The following AOX1 variants were observed in gnomAD, a reference collection of about 807,000 sequenced individuals.
AOX1 encodes the protein aldehyde oxidase.
AOX1 carries 153 observed loss-of-function variants against 169.5 expected under a neutral mutation model. That is an observed-to-expected ratio of 0.90 (90% CI 0.79 to 1.03). The LOEUF (loss-of-function observed/expected upper bound fraction) is 1.03, where lower values mean the gene tolerates loss of function less well. Ranked by LOEUF, AOX1 falls within the 50% of genes least tolerant of loss-of-function variation. The pLI is 0.00. For missense variants in AOX1, 1,656 were observed against 1,663.9 expected, an observed-to-expected ratio of 1.00 and a Z score of 0.08; for synonymous variants, 562 against 581.9, an observed-to-expected ratio of 0.97 and a Z score of 0.49.
At chr2:200,667,707 G>A (rs2035947866) in intron 32 of AOX1, among the ~76,000 whole-genome samples, 1 of 152,060 alleles carries the variant, frequency 6.6e-6, no homozygotes, top group Admixed American at 6.6e-5. Flanking sequence ...GGGAGGGGTG[G>A]GCCATGAGGA....
At chr2:200,610,150 C>T (rs1166304402) in intron 12 of AOX1, among the ~76,000 whole-genome samples, 3 of 151,730 alleles carry the variant, frequency 2.0e-5, no homozygotes, top group Admixed American at 1.3e-4. Flanking sequence ...CAGCTCACTG[C>T]AACCTCTACC....
At chr2:200,611,069 G>A (rs969584440) in intron 12 of AOX1, among the ~76,000 whole-genome samples, 4 of 152,022 alleles carry the variant, frequency 2.6e-5, no homozygotes, top group South Asian at 2.1e-4. Flanking sequence ...TGGCCAGGCC[G>A]GTCTCAAACT....
chr2:200,595,514 G>A (rs2034264747), intron 3 of AOX1, 146 bp downstream of exon 3: 2 of 492,008 alleles, frequency 4.1e-6, no homozygotes, highest in Non-Finnish European at 7.2e-6. Flanking sequence ...GACAGACATG[G>A]TCCTAGGAAT....
downstream of AOX1, among the ~76,000 whole-genome samples, chr2:200,674,431 G>T (rs530859271): frequency 9.9e-5 from 15 of 150,800 alleles, no homozygotes; most frequent in African/African-American, 2.9e-4. Context: ...GGGCCTGGGT[G>T]GGGGGGGTGA....
In AOX1 at chr2:200,618,443, G is replaced by A. The variant is rs758771655; in HGVS notation, c.1705-2207G>A. 1.7e-4 allele frequency among the ~76,000 whole-genome samples: 26 copies of A among 152,234 alleles called. No individual in the cohort carries two copies. The South Asian group carries it at 2.7e-3, about 16-fold the overall frequency. ...ACACATGTCTTATACCAAGTTAATT[G>A]TAGAAATTACACTACTTTCTGTGCA... On this transcript the variant is annotated intron_variant, in intron 16 of 34. Transcript: ENST00000374700.
At chr2:200,604,664 G>T (rs749522720) in intron 8 of AOX1, 32 bp from the exon 9 acceptor site, 3 of 1,613,094 alleles carry the variant, frequency 1.9e-6, no homozygotes, top group Non-Finnish European at 2.5e-6. Flanking sequence ...GGCATCATTG[G>T]GTACCTTGAA....
chr2:200,634,668 A>T, intron 20 of AOX1, 123 bp from the exon 21 acceptor site: 1 of 1,179,514 alleles, frequency 8.5e-7, no homozygotes, highest in Non-Finnish European at 1.2e-6. Flanking sequence ...GTTGTTTGTT[A>T]TACTTCACTG....
chr2:200,669,218 C>A (rs1228506130), intron 33 of AOX1, among the ~76,000 whole-genome samples: 2 of 152,146 alleles, frequency 1.3e-5, no homozygotes, highest in Admixed American at 6.5e-5. Flanking sequence ...CCAAGGCGGG[C>A]AGATCACCTG....
At chr2:200,675,755 T>C (rs1361313956), downstream of AOX1, among the ~76,000 whole-genome samples, 10 of 152,224 alleles carry the variant, frequency 6.6e-5, no homozygotes, top group East Asian at 1.9e-3. Flanking sequence ...TACCTTCCTA[T>C]GTGCCAGGAA....
intron 22 of AOX1, among the ~76,000 whole-genome samples, chr2:200,637,484 T>C (rs1037249320): frequency 6.6e-6 from 1 of 152,174 alleles, no homozygotes; most frequent in Non-Finnish European, 1.5e-5. Flanking sequence ...TGTATGTTTG[T>C]GTGTATATAT....
intron 18 of AOX1, among the ~76,000 whole-genome samples, chr2:200,622,534 TGA>T (rs1218704799): frequency 1.3e-5 from 2 of 152,232 alleles, no homozygotes; most frequent in African/African-American, 4.8e-5. Flanking sequence ...GCTTGATGAC[TGA>T]GAGTTTGAAC....
chr2:200,678,440 A>T (rs1442234101), downstream of AOX1: 2 of 152,248 alleles, frequency 1.3e-5, no homozygotes, highest in African/African-American at 4.8e-5. Flanking sequence ...TCTGAAACAA[A>T]GCCAAATATT....
At chr2:200,660,209 C>A in intron 29 of AOX1, 140 bp downstream of exon 29, 1 of 690,682 alleles carries the variant, frequency 1.4e-6, no homozygotes, top group Non-Finnish European at 2.4e-6. Context: ...ATAAAAGGCC[C>A]TTTGGCTCTT....
intron 23 of AOX1, among the ~76,000 whole-genome samples, chr2:200,638,868 T>A (rs1432334862): frequency 1.3e-5 from 2 of 152,200 alleles, no homozygotes; most frequent in African/African-American, 4.8e-5. Flanking sequence ...AAACTTTCAT[T>A]ACGTCATTTC....
At chr2:200,620,398 G>A (rs1221288110) in intron 16 of AOX1, among the ~76,000 whole-genome samples, 2 of 151,554 alleles carry the variant, frequency 1.3e-5, no homozygotes, top group Middle Eastern at 3.2e-3. Flanking sequence ...TAGTAGAGAC[G>A]GGGTTTTACT....
rs912906077 is a variant in AOX1 at position 200,599,491 on chromosome 2, C to G, written c.310-129C>G. 5 of 700,108 alleles carry G rather than the reference C, an allele frequency of 7.1e-6. No homozygotes were observed. In the African/African-American group the frequency reaches 7.4e-5, roughly 10 times the overall value. 43.4% of individuals were successfully genotyped at this position (700,108 alleles called of 1,614,324 possible). A position where few individuals can be genotyped will look rare whatever the true frequency, so the allele number is the denominator to read the frequency against. On this transcript the variant is annotated intron_variant, in intron 4 of 34. Transcript: ENST00000374700. ...AGGTGCCTGGGATGAGAAGGGCTCC[C>G]AGGGGCCTCTGCTGCAATCTTAACA...
intron 19 of AOX1, among the ~76,000 whole-genome samples, chr2:200,625,806 G>A (rs762582442): frequency 2.6e-5 from 4 of 151,998 alleles, no homozygotes; most frequent in Non-Finnish European, 1.5e-5. Context: ...AATAAGAAAA[G>A]CACATGAACA....
intron 12 of AOX1, among the ~76,000 whole-genome samples, chr2:200,611,045 A>G (rs2960199): frequency 0.35 from 53,803 of 151,752 alleles, 9,644 homozygotes; most frequent in East Asian, 0.44. Flanking sequence ...TAGCAGAGAG[A>G]GGTTTCACCA....
chr2:200,620,207 T>C (rs979582210), intron 16 of AOX1, among the ~76,000 whole-genome samples: 2 of 150,900 alleles, frequency 1.3e-5, no homozygotes, highest in African/African-American at 4.9e-5. Context: ...GACTTTTTTT[T>C]TTTTTTTTTT....
Sources: gnomAD v4.1 joint callset for allele counts (sites outside exome capture counted in the v4.1 genomes callset) on GRCh38, gnomAD v4.1.1 for gene constraint, MANE v1.5 for transcripts, NCBI Gene and HGNC (gene_info 2026-07-23, HGNC 2026-07-21) for gene names.